Variants in MAGI1 observed in about 807,000 individuals in gnomAD.
The protein encoded by MAGI1 is membrane associated guanylate kinase, WW and PDZ domain containing 1, also known as membrane-associated guanylate kinase, WW and PDZ domain-containing protein 1.
Under a neutral mutation model 139.9 loss-of-function variants are expected in MAGI1, and 58 were observed. The observed-to-expected ratio is 0.41, with a 90% confidence interval of 0.34 to 0.52. The LOEUF (loss-of-function observed/expected upper bound fraction) is 0.52. Among genes scored for constraint, MAGI1 ranks in the 20% least tolerant of loss-of-function variants. The pLI is 0.12. For synonymous variants in MAGI1, 812 were observed against 737.9 expected (o/e 1.10, Z -1.63); for missense variants, 1,874 against 1,901.6 (o/e 0.99, Z 0.27).
intron 9 of MAGI1, among the ~76,000 whole-genome samples, chr3:65,439,282 T>C (rs1426654369): frequency 1.3e-5 from 2 of 152,180 alleles, no homozygotes; most frequent in Admixed American, 1.3e-4. Context: ...GTATAAATTA[T>C]TATCAGATTT....
At chr3:65,553,902 C>T (rs1697846812) in intron 2 of MAGI1, among the ~76,000 whole-genome samples, 1 of 152,168 alleles carries the variant, frequency 6.6e-6, no homozygotes, top group Admixed American at 6.5e-5. Context: ...ACTGAGAATA[C>T]TTTCCTCGAG....
intron 2 of MAGI1, among the ~76,000 whole-genome samples, chr3:65,504,671 T>G (rs1236571331): frequency 6.6e-6 from 1 of 152,166 alleles, no homozygotes; most frequent in Non-Finnish European, 1.5e-5. Context: ...AGGGAGCTGA[T>G]GGAGTTGACG....
intron 2 of MAGI1, among the ~76,000 whole-genome samples, chr3:65,610,765 C>T (rs78761678): frequency 4.1e-4 from 11 of 26,978 alleles, no homozygotes; most frequent in South Asian, 9.1e-4. Context: ...ATATATATAG[C>T]ATATATATAT....
At chr3:65,418,240 T>C (rs989526633) in intron 12 of MAGI1, among the ~76,000 whole-genome samples, 4 of 152,138 alleles carry the variant, frequency 2.6e-5, no homozygotes, top group Admixed American at 6.6e-5. Flanking sequence ...AGACTACATA[T>C]TACTGACGGT....
intron 1 of MAGI1, among the ~76,000 whole-genome samples, chr3:65,736,866 T>G (rs9843250): frequency 0.023 from 3,440 of 152,306 alleles, 141 homozygotes; most frequent in African/African-American, 0.078. Flanking sequence ...GGGAATCTCT[T>G]AACCCAGTCA....
chr3:65,445,998 TGCACG>T (rs1948652973), intron 7 of MAGI1, among the ~76,000 whole-genome samples: 1 of 152,206 alleles, frequency 6.6e-6, no homozygotes, highest in Non-Finnish European at 1.5e-5. Context: ...ACAGTGTGTG[TGCACG>T]TGTGCTACTC....
At chr3:65,859,574 C>T (rs1011717344) in intron 1 of MAGI1, among the ~76,000 whole-genome samples, 4 of 151,762 alleles carry the variant, frequency 2.6e-5, no homozygotes, top group African/African-American at 7.3e-5. Context: ...ATTAAAAATA[C>T]AAAAAATACA....
chr3:65,629,045 C>G (rs1311817437), intron 1 of MAGI1, among the ~76,000 whole-genome samples: 1 of 151,776 alleles, frequency 6.6e-6, no homozygotes, highest in African/African-American at 2.4e-5. Context: ...TGAAATGATC[C>G]CCTAATATAA....
intron 1 of MAGI1, among the ~76,000 whole-genome samples, chr3:65,759,817 GA>G (rs1382035790): frequency 1.3e-5 from 2 of 152,174 alleles, no homozygotes; most frequent in African/African-American, 4.8e-5. Context: ...AGGTAGTGAA[GA>G]GGTGAGAAAG....
chr3:65,993,374 A>G (rs533984358), intron 1 of MAGI1, among the ~76,000 whole-genome samples: 16 of 152,336 alleles, frequency 1.1e-4, no homozygotes, highest in Non-Finnish European at 1.9e-4. Context: ...GAACCCATGT[A>G]GCTAGAGATG....
intron 1 of MAGI1, among the ~76,000 whole-genome samples, chr3:65,690,417 C>T (rs1025707139): frequency 6.6e-6 from 1 of 152,038 alleles, no homozygotes; most frequent in Admixed American, 6.6e-5. Flanking sequence ...TTTTAAAATG[C>T]TTTTTTAAAA....
chr3:65,501,716 G>A (rs1462689020), intron 2 of MAGI1, among the ~76,000 whole-genome samples: 1 of 152,106 alleles, frequency 6.6e-6, no homozygotes, highest in Non-Finnish European at 1.5e-5. Context: ...GTTTACCCCA[G>A]AGAAATGAAA....
chr3:65,514,462 G>A (rs1401769776), intron 2 of MAGI1, among the ~76,000 whole-genome samples: 1 of 147,508 alleles, frequency 6.8e-6, no homozygotes, highest in African/African-American at 2.5e-5. Context: ...AAATTTACAA[G>A]AAAAAAACAA....
intron 1 of MAGI1, among the ~76,000 whole-genome samples, chr3:65,737,797 A>G (rs972204816): frequency 1.3e-5 from 2 of 152,164 alleles, no homozygotes; most frequent in African/African-American, 4.8e-5. Flanking sequence ...CTCTACCCAC[A>G]TATGGCAAAT....
At chr3:65,754,709 T>C (rs904847529) in intron 1 of MAGI1, among the ~76,000 whole-genome samples, 11 of 152,188 alleles carry the variant, frequency 7.2e-5, no homozygotes, top group Non-Finnish European at 1.3e-4. Flanking sequence ...TAGTTTATTC[T>C]CACTATTTCA....
chr3:65,891,884 TAATATATATATATA>T lies in MAGI1; in HGVS notation c.313+146098_313+146111del, dbSNP rs1348351507. Among the ~76,000 whole-genome samples the T allele has an allele frequency of 1.4e-3, 117 of 85,884 alleles. 8 individuals are homozygous for T. Among genetic ancestry groups the T allele is most frequent in the Admixed American group, 8.2e-4 (5 of 6,114 alleles). The allele number at this position is 85,884 out of a possible 152,430, so 56.3% of individuals were successfully genotyped here. A position where few individuals can be genotyped will look rare whatever the true frequency, so the allele number is the denominator to read the frequency against. ...CAAATGTACCCTAGAACTTAAAGTA[TAATATATATATATA>T]TATATATATATATATATATATATAT... On this transcript the variant is annotated intron_variant, in intron 1 of 22. Transcript: ENST00000402939.
At chr3:65,828,328 A>G (rs2042340669) in intron 1 of MAGI1, among the ~76,000 whole-genome samples, 1 of 152,200 alleles carries the variant, frequency 6.6e-6, no homozygotes, top group South Asian at 2.1e-4. Flanking sequence ...CTTTTATAGG[A>G]GGAAGGAGAA....
intron 1 of MAGI1, among the ~76,000 whole-genome samples, chr3:65,705,415 T>G (rs1019543118): frequency 6.6e-6 from 1 of 152,212 alleles, no homozygotes; most frequent in Non-Finnish European, 1.5e-5. Context: ...ACATTATCCC[T>G]TAAAAAAGCA....
In MAGI1 at chr3:65,356,128, C is replaced by A; in HGVS notation, c.*250G>T. 1 of 338,642 alleles carries A rather than the reference C, an allele frequency of 3.0e-6. No individual in the cohort carries two copies. Among genetic ancestry groups the A allele is most frequent in the Non-Finnish European group, 5.2e-6 (1 of 191,548 alleles). 21.0% of individuals were successfully genotyped at this position (338,642 alleles called of 1,614,324 possible). On this transcript the variant is annotated 3_prime_UTR_variant, in exon 23 of 23. Coordinates refer to ENST00000402939, the MANE Select transcript of MAGI1 (RefSeq NM_001033057.2). ...GAAACAAAATTTATATCCCTTTGGG[C>A]CAGCATTTGGCAAATAATTTCCAAA...
Sources: allele counts gnomAD v4.1 joint callset (sites outside exome capture counted in the v4.1 genomes callset), GRCh38; gene constraint gnomAD v4.1.1; transcripts MANE v1.5; gene names NCBI Gene and HGNC (gene_info 2026-07-23, HGNC 2026-07-21).